The following ZC3H12B variants were observed in gnomAD, a reference collection of about 807,000 sequenced individuals.
ZC3H12B encodes zinc finger CCCH-type containing 12B.
In ZC3H12B, 7 loss-of-function variants were observed where a neutral mutation model predicts 43.9. The ratio of observed to expected loss-of-function variants is 0.16; its 90% CI spans 0.09 to 0.30. ZC3H12B has a LOEUF of 0.30. Ranked by LOEUF, ZC3H12B falls within the 10% of genes least tolerant of loss-of-function variation. The probability of loss-of-function intolerance (pLI) is 1.00; values close to 1 mark genes in which losing one functional copy is unlikely to be tolerated. For missense variants in ZC3H12B, 475 were observed against 670.2 expected (o/e 0.71, Z 3.22); for synonymous variants, 222 against 241.7 (o/e 0.92, Z 0.76).
At chrX:65,427,516 A>G (rs769918746) in intron 3 of ZC3H12B, among the ~76,000 whole-genome samples, 44 of 110,317 alleles carry the variant, frequency 4.0e-4, no homozygotes, top group African/African-American at 1.4e-3. Context: ...TTTAGTAGAG[A>G]TGGGGTTTTA....
At chrX:65,338,709 A>G in the ZC3H12B span, among the ~76,000 whole-genome samples, 3 of 112,594 alleles carry the variant, frequency 2.7e-5, no homozygotes, top group Non-Finnish European at 5.6e-5. Context: ...TTGGTTCCAC[A>G]CATGCAAACC....
chrX:65,157,769 T>C, the ZC3H12B span, among the ~76,000 whole-genome samples: 1 of 110,476 alleles, frequency 9.1e-6, no homozygotes, highest in Admixed American at 9.7e-5. Flanking sequence ...CCTTTTCTTT[T>C]TTTTATTTTA....
the ZC3H12B span, among the ~76,000 whole-genome samples, chrX:65,059,272 C>A: frequency 1.0e-5 from 1 of 99,002 alleles, no homozygotes; most frequent in Non-Finnish European, 2.0e-5. Flanking sequence ...TGCGCTTGTG[C>A]GGTATTGCTC....
At chrX:65,179,560 T>A in the ZC3H12B span, among the ~76,000 whole-genome samples, 21 of 109,040 alleles carry the variant, frequency 1.9e-4, 1 homozygote, top group South Asian at 8.5e-3. Context: ...AGGAGCTGGG[T>A]TTTTTAAAAG....
chrX:65,212,188 T>TATAA, the ZC3H12B span, among the ~76,000 whole-genome samples: 3 of 32,626 alleles, frequency 9.2e-5, no homozygotes, highest in African/African-American at 2.9e-4. Context: ...ATATTATATA[T>TATAA]TATATAATAT....
At chrX:65,048,222 T>C in the ZC3H12B span, among the ~76,000 whole-genome samples, 21 of 111,452 alleles carry the variant, frequency 1.9e-4, no homozygotes, top group Non-Finnish European at 3.4e-4. Flanking sequence ...GCCTGGATTG[T>C]ATGACTGGAT....
the ZC3H12B span, among the ~76,000 whole-genome samples, chrX:65,350,227 C>A: frequency 8.9e-6 from 1 of 111,757 alleles, no homozygotes; most frequent in East Asian, 2.8e-4. Flanking sequence ...AAATGTAAAC[C>A]ATCACATAAA....
chrX:65,342,999 AC>A, the ZC3H12B span, among the ~76,000 whole-genome samples: 2 of 111,212 alleles, frequency 1.8e-5, no homozygotes, highest in African/African-American at 6.5e-5. Context: ...CACTTACCCC[AC>A]AGAAATACAA....
At chrX:65,424,212 G>T (rs914018352) in intron 3 of ZC3H12B, among the ~76,000 whole-genome samples, 1 of 112,101 alleles carries the variant, frequency 8.9e-6, no homozygotes, top group Non-Finnish European at 1.9e-5. Context: ...TTTCTCTAAT[G>T]ATCTGTGATA....
chrX:65,175,708 A>G, the ZC3H12B span, among the ~76,000 whole-genome samples: 1 of 111,781 alleles, frequency 8.9e-6, no homozygotes. Flanking sequence ...CTGGTTGCAC[A>G]GTGAGTGCAG....
At chrX:65,361,455 T>A in the ZC3H12B span, among the ~76,000 whole-genome samples, 1 of 112,426 alleles carries the variant, frequency 8.9e-6, no homozygotes, top group South Asian at 3.7e-4. Flanking sequence ...TGCCTTCAAA[T>A]TGGAACATAT....
intron 3 of ZC3H12B, among the ~76,000 whole-genome samples, chrX:65,461,495 A>G (rs1342144570): frequency 8.9e-6 from 1 of 112,527 alleles, no homozygotes; most frequent in Non-Finnish European, 1.9e-5. Flanking sequence ...AACGTGGCAC[A>G]TATACACCAT....
chrX:65,498,856 T>C (rs2068326744), intron 2 of ZC3H12B, 143 bp from the exon 8 acceptor site: 1 of 459,694 alleles, frequency 2.2e-6, no homozygotes, highest in Admixed American at 3.9e-5. Context: ...ATTGATATCA[T>C]AGCCAGGAAC....
the ZC3H12B span, among the ~76,000 whole-genome samples, chrX:65,142,551 T>A: frequency 6.2e-5 from 7 of 112,619 alleles, no homozygotes. Context: ...TGCTTTTGGT[T>A]TCTTGGTCAT....
the ZC3H12B span, among the ~76,000 whole-genome samples, chrX:65,184,797 G>T: frequency 9.0e-6 from 1 of 111,333 alleles, no homozygotes; most frequent in Non-Finnish European, 1.9e-5. Context: ...AAAGTCTAAG[G>T]AGTATAATCC....
the ZC3H12B span, among the ~76,000 whole-genome samples, chrX:65,109,878 A>G: frequency 3.8e-5 from 4 of 105,251 alleles, no homozygotes; most frequent in African/African-American, 1.6e-4. Flanking sequence ...TCATTTTGTT[A>G]ATAGCCATCC....
intron 3 of ZC3H12B, among the ~76,000 whole-genome samples, chrX:65,413,997 G>C (rs994367327): frequency 9.0e-6 from 1 of 111,594 alleles, no homozygotes; most frequent in African/African-American, 3.3e-5. Context: ...TTACCTCCTT[G>C]GTTACATTTA....
rs1569379733 is a variant in ZC3H12B at position 65,373,961 on chromosome X, T to TATATATATA, written n.295+4963_295+4964insATATATATA. ...TATATATATAGTTATATATATATAC[T>TATATATATA]GTATATATAGTATATATATATACTA... On this transcript the variant is annotated intron_variant and non_coding_transcript_variant, in intron 2 of 5. Coordinates refer to the ZC3H12B transcript ENST00000617377. Among the ~76,000 whole-genome samples the TATATATATA allele has an allele frequency of 1.2e-4, 6 of 51,122 alleles. No individual in the cohort carries two copies. The African/African-American group carries it at 1.2e-3, about 10-fold the overall frequency. 44.4% of individuals were successfully genotyped at this position (51,122 alleles called of 115,157 possible). A position where few individuals can be genotyped will look rare whatever the true frequency, so the allele number is the denominator to read the frequency against.
chrX:65,248,792 T>C, the ZC3H12B span, among the ~76,000 whole-genome samples: 1 of 112,006 alleles, frequency 8.9e-6, no homozygotes, highest in Non-Finnish European at 1.9e-5. Context: ...ACTAAGGTGG[T>C]ATCGCATTGT....
Sources: allele counts gnomAD v4.1 joint callset (sites outside exome capture counted in the v4.1 genomes callset), GRCh38; gene constraint gnomAD v4.1.1; transcripts MANE v1.5; gene names NCBI Gene and HGNC (gene_info 2026-07-23, HGNC 2026-07-21).